The following NEURL1 variants were observed in gnomAD, a reference collection of about 807,000 sequenced individuals.
The protein encoded by NEURL1 is E3 ubiquitin-protein ligase NEURL1.
In NEURL1, 26 loss-of-function variants were observed where a neutral mutation model predicts 41.2. That is an observed-to-expected ratio of 0.63 (90% CI 0.46 to 0.87). The LOEUF (loss-of-function observed/expected upper bound fraction) is 0.87. Among genes scored for constraint, NEURL1 ranks in the 40% least tolerant of loss-of-function variants. The pLI, the probability that NEURL1 is intolerant of heterozygous loss-of-function variation, is 0.00. For missense variants in NEURL1, 761 were observed against 871.1 expected (o/e 0.87, Z 1.59); for synonymous variants, 400 against 402.3 (o/e 0.99, Z 0.07).
rs2035433941 is a variant in NEURL1 at position 103,566,808 on chromosome 10, C to T, written c.86-4064C>T. Among the ~76,000 whole-genome samples, 1 of 151,962 alleles carries T rather than the reference C, an allele frequency of 6.6e-6. No individual in the cohort carries two copies. Among genetic ancestry groups the T allele is most frequent in the African/African-American group, 2.4e-5 (1 of 41,344 alleles). ...TGGCTTTCCAGGTTGTGTCGTGTCC[C>T]AACAGGAATGTAGGAGGGCTGAGGA... is the stretch of plus-strand genomic sequence containing the variant. On this transcript the variant is annotated intron_variant, in intron 1 of 5. Coordinates refer to ENST00000369780, the MANE Select transcript of NEURL1 (RefSeq NM_004210.5). The surrounding 1 kb of genome is among the most constrained non-coding windows in gnomAD (Gnocchi z 4.2).
Position 103,506,545 on chromosome 10 carries a change from C to T in NEURL1, c.85+12073C>T, listed in dbSNP as rs186878839. Among the ~76,000 whole-genome samples the T allele has an allele frequency of 7.5e-3, 1,145 of 151,988 alleles. 8 individuals are homozygous for T. Among genetic ancestry groups the T allele is most frequent in the Non-Finnish European group, 0.011 (771 of 67,942 alleles). On this transcript the variant is annotated intron_variant, in intron 1 of 5. Transcript: ENST00000369780. ...CTCCCTTCTTCCTCCTCCTCCTCCT[C>T]CTTCACGTCTGCTGTCTGCTTTTTT... is the stretch of plus-strand genomic sequence containing the variant.
chr10:103,510,995 C>T (rs2034055786), intron 1 of NEURL1, among the ~76,000 whole-genome samples: 1 of 152,198 alleles, frequency 6.6e-6, no homozygotes, highest in South Asian at 2.1e-4. Context: ...GCCAGTGGGC[C>T]TTGAATGGGG....
At chr10:103,581,204 G>A (rs1283134112) in intron 3 of NEURL1, among the ~76,000 whole-genome samples, 8 of 152,162 alleles carry the variant, frequency 5.3e-5, no homozygotes, top group African/African-American at 1.9e-4. Context: ...AGGCTGGGAG[G>A]AAGGTTGCTT....
At chr10:103,572,725 AGTGCATGTGC>A (rs1357812820) in intron 3 of NEURL1, among the ~76,000 whole-genome samples, 1 of 152,208 alleles carries the variant, frequency 6.6e-6, no homozygotes, top group African/African-American at 2.4e-5. Flanking sequence ...CAGGCACTCA[AGTGCATGTGC>A]GCACACATAG....
chr10:103,560,290 G>A (rs1305137088), intron 1 of NEURL1, among the ~76,000 whole-genome samples: 1 of 152,238 alleles, frequency 6.6e-6, no homozygotes, highest in African/African-American at 2.4e-5. Context: ...CAGGGATTGG[G>A]AGCTGAGCCC....
chr10:103,534,065 C>T (rs1437987150), intron 1 of NEURL1, among the ~76,000 whole-genome samples: 1 of 151,958 alleles, frequency 6.6e-6, no homozygotes, highest in Admixed American at 6.6e-5. Flanking sequence ...ATTCATTGAA[C>T]TTTTTGGCTG....
At chr10:103,507,759 TG>T (rs2033981382) in intron 1 of NEURL1, among the ~76,000 whole-genome samples, 1 of 152,334 alleles carries the variant, frequency 6.6e-6, no homozygotes, top group African/African-American at 2.4e-5. Flanking sequence ...CCTCTCTGCC[TG>T]TCACAGGTGG....
intron 1 of NEURL1, among the ~76,000 whole-genome samples, chr10:103,532,920 C>CTTTTTTTTTT (rs144783148): frequency 6.3e-5 from 4 of 63,630 alleles, no homozygotes; most frequent in Non-Finnish European, 1.1e-4. Flanking sequence ...TTCTCTTCTC[C>CTTTTTTTTTT]TTTTTTTTTT....
chr10:103,582,602 A>G (rs2035804649), intron 3 of NEURL1, among the ~76,000 whole-genome samples: 1 of 151,994 alleles, frequency 6.6e-6, no homozygotes, highest in Non-Finnish European at 1.5e-5. Context: ...GGGCAGTGAA[A>G]GGGTGAAAGA....
chr10:103,552,860 C>T (rs1458522659), intron 1 of NEURL1, among the ~76,000 whole-genome samples: 1 of 152,190 alleles, frequency 6.6e-6, no homozygotes, highest in African/African-American at 2.4e-5. Flanking sequence ...ATGCCCAGCT[C>T]AGGAGCTCAG....
chr10:103,588,895 G>A (rs963578634), intron 4 of NEURL1: 6 of 441,446 alleles, frequency 1.4e-5, no homozygotes, highest in African/African-American at 8.4e-5. Context: ...GTAGTGAGCC[G>A]AGGTCGTGCC....
At chr10:103,496,125 A>AG (rs1267332884) in intron 1 of NEURL1, among the ~76,000 whole-genome samples, 1 of 152,116 alleles carries the variant, frequency 6.6e-6, no homozygotes, top group East Asian at 1.9e-4. Flanking sequence ...AAAAAAAAAA[A>AG]AAATCAGTTT....
At chr10:103,578,369 T>A (rs1428464353) in intron 3 of NEURL1, among the ~76,000 whole-genome samples, 1 of 152,162 alleles carries the variant, frequency 6.6e-6, no homozygotes, top group Non-Finnish European at 1.5e-5. Flanking sequence ...GGTCTCTGTA[T>A]CGGGCTGAAA....
intron 1 of NEURL1, among the ~76,000 whole-genome samples, chr10:103,520,875 A>G (rs944051666): frequency 5.9e-5 from 9 of 152,136 alleles, no homozygotes; most frequent in African/African-American, 2.2e-4. Flanking sequence ...GTCTTATAGA[A>G]TGATTGGTGA....
intron 1 of NEURL1, among the ~76,000 whole-genome samples, chr10:103,562,616 C>T (rs11191727): frequency 0.14 from 20,657 of 152,106 alleles, 1,500 homozygotes; most frequent in South Asian, 0.22. Flanking sequence ...ACAAGTGCCT[C>T]GGGGTATCTG....
intron 1 of NEURL1, among the ~76,000 whole-genome samples, chr10:103,528,950 A>G (rs1309293577): frequency 6.6e-6 from 1 of 152,226 alleles, no homozygotes; most frequent in African/African-American, 2.4e-5. Flanking sequence ...CCAGATTTTT[A>G]TATTACCTAT....
In NEURL1 at chr10:103,584,987, G is replaced by T. The variant is rs759556573; in HGVS notation, c.1101G>T (p.Pro367=). Residue 367 remains proline (P), a synonymous_variant, in exon 4 of 6, where the codon CCG becomes CCT. Transcript: ENST00000369780. Reference sequence around the variant, plus strand: ...CGTGCGACCCCGGCACGCTGCGGCCGGCCGACCTGCCTTTCAGCCCTGAGG... The same window carrying T: ...CGTGCGACCCCGGCACGCTGCGGCCTGCCGACCTGCCTTTCAGCCCTGAGG... ...VTTCDPGTLR[P]ADLPFSPEAL... The T allele has an allele frequency of 1.3e-6, 2 of 1,542,104 alleles. No homozygotes were observed. The highest frequency in any genetic ancestry group is 1.7e-6 in the Non-Finnish European group (2 of 1,154,064).
intron 4 of NEURL1, among the ~76,000 whole-genome samples, chr10:103,587,758 A>G (rs1017737741): frequency 1.3e-5 from 2 of 152,262 alleles, no homozygotes; most frequent in African/African-American, 4.8e-5. Flanking sequence ...ATTCTGGCCA[A>G]TGCAACAAGG....
At chr10:103,510,503 T>C (rs971472440) in intron 1 of NEURL1, among the ~76,000 whole-genome samples, 9 of 152,196 alleles carry the variant, frequency 5.9e-5, no homozygotes, top group South Asian at 2.1e-4. Flanking sequence ...CATGTGGCTC[T>C]GTGGGGCGGG....
Sources: gnomAD v4.1 joint callset for allele counts (sites outside exome capture counted in the v4.1 genomes callset) on GRCh38, gnomAD v4.1.1 for gene constraint, Gnocchi (gnomAD v3.1) non-coding constraint, MANE v1.5 for transcripts, NCBI Gene and HGNC (gene_info 2026-07-23, HGNC 2026-07-21) for gene names.